Variants in RHOT1 observed in about 807,000 individuals in gnomAD.
RHOT1 encodes mitochondrial Rho GTPase 1.
A neutral mutation model predicts 95.3 loss-of-function variants in RHOT1; 27 were observed. The ratio of observed to expected loss-of-function variants is 0.28; its 90% confidence interval spans 0.21 to 0.39. The LOEUF is 0.39. Ranked by LOEUF, RHOT1 falls within the 10% of genes least tolerant of loss-of-function variation. RHOT1 has a pLI of 1.00. For missense variants in RHOT1, 578 were observed against 786.7 expected, an observed-to-expected ratio of 0.73 and a Z score of 3.17; for synonymous variants, 227 against 263.5, an observed-to-expected ratio of 0.86 and a Z score of 1.34.
At chr17:32,179,445 A>G (rs1178370456) in intron 6 of RHOT1, 1 of 45,242 alleles carries the variant, frequency 2.2e-5, no homozygotes, top group Non-Finnish European at 4.3e-5. Context: ...TGCCCAGCTG[A>G]CACCCCATCT....
chr17:32,154,414 A>G (rs2032705320), intron 1 of RHOT1, among the ~76,000 whole-genome samples: 1 of 150,508 alleles, frequency 6.6e-6, no homozygotes, highest in African/African-American at 2.5e-5. Context: ...CTCCGTCTCT[A>G]CTAAAAAAAA....
intron 14 of RHOT1, among the ~76,000 whole-genome samples, chr17:32,201,836 A>G (rs755824435): frequency 1.3e-5 from 2 of 151,908 alleles, no homozygotes; most frequent in Non-Finnish European, 2.9e-5. Context: ...TTTTTTTTCT[A>G]CTATCACTAG....
intron 19 of RHOT1, chr17:32,220,981 A>G (rs1022848599): frequency 1.4e-5 from 10 of 706,880 alleles, no homozygotes; most frequent in Non-Finnish European, 1.6e-5. Context: ...GTAAGATACT[A>G]TAAGTTATTC....
chr17:32,185,330 G>C (rs2035959284), intron 8 of RHOT1, among the ~76,000 whole-genome samples: 1 of 151,950 alleles, frequency 6.6e-6, no homozygotes, highest in South Asian at 2.1e-4. Flanking sequence ...GGCTGGTCTT[G>C]AACACCCAAC....
Position 32,208,320 on chromosome 17 carries a change from G to T in RHOT1, c.1739+11G>T, listed in dbSNP as rs200669163. 4 of 1,609,502 alleles carry T rather than the reference G, an allele frequency of 2.5e-6. No homozygotes were observed. Among genetic ancestry groups the T allele is most frequent in the Non-Finnish European group, 3.4e-6 (4 of 1,175,868 alleles). ...AATGGCCATGTATCCGTAAGTACTTGCTGTCTTCATTTTCATGTTGCATGG... is the reference window on the plus strand; with the variant it reads ...AATGGCCATGTATCCGTAAGTACTTTCTGTCTTCATTTTCATGTTGCATGG... On this transcript the variant is annotated intron_variant, in intron 18 of 19. Transcript: ENST00000545287.
intron 1 of RHOT1, chr17:32,150,372 T>C: frequency 2.6e-6 from 1 of 384,990 alleles, no homozygotes. Context: ...TTTTTTTTCA[T>C]GTGTAAGATG....
intron 19 of RHOT1, among the ~76,000 whole-genome samples, chr17:32,223,995 G>A (rs2038991446): frequency 6.6e-6 from 1 of 152,150 alleles, no homozygotes; most frequent in Non-Finnish European, 1.5e-5. Flanking sequence ...CATTATCACT[G>A]CCTGTCTAAC....
chr17:32,145,170 C>T (rs1318174823), intron 1 of RHOT1, among the ~76,000 whole-genome samples: 9 of 151,760 alleles, frequency 5.9e-5, no homozygotes, highest in South Asian at 2.1e-4. Flanking sequence ...TGTGGCAGCA[C>T]GCACCTGTAA....
chr17:32,184,492 A>T (rs898624811), intron 8 of RHOT1, among the ~76,000 whole-genome samples: 51 of 147,362 alleles, frequency 3.5e-4, no homozygotes, highest in African/African-American at 1.1e-3. Context: ...TTTATTTTTT[A>T]TTTTTTTTTA....
Position 32,208,297 on chromosome 17 carries a change from T to C in RHOT1, c.1727T>C (p.Met576Thr). The change falls in exon 18 of 20, where the codon ATG (methionine) becomes ACG (threonine). Residue 576 changes from methionine to threonine, a missense_variant. Physicochemically the swap from Met to Thr is moderately conservative, Grantham distance 81 (BLOSUM62 -1). This residue lies in a region of RHOT1 where 296 missense variants were observed against 338.5 expected (regional missense o/e 0.87). Transcript: ENST00000545287. Reference sequence around the variant, plus strand: ...GATATCTTTGTTAAATTGACAACAATGGCCATGTATCCGTAAGTACTTGCT... The same window carrying C: ...GATATCTTTGTTAAATTGACAACAACGGCCATGTATCCGTAAGTACTTGCT... Reference protein sequence around the residue: ...SKDIFVKLTTMAMYPHARLRC... With the variant: ...SKDIFVKLTTTAMYPHARLRC... 2 of 1,613,916 alleles carry C rather than the reference T, an allele frequency of 1.2e-6. No individual in the cohort carries two copies. Among genetic ancestry groups the C allele is most frequent in the Non-Finnish European group, 1.7e-6 (2 of 1,179,758 alleles).
intron 6 of RHOT1, chr17:32,179,157 TGAG>T (rs1165651274): frequency 7.4e-6 from 1 of 135,966 alleles, no homozygotes; most frequent in Non-Finnish European, 1.5e-5. Flanking sequence ...GTCTGGGAAG[TGAG>T]GAGCACCTCT....
chr17:32,189,160 G>A (rs1327165667), intron 8 of RHOT1, among the ~76,000 whole-genome samples: 4 of 152,124 alleles, frequency 2.6e-5, no homozygotes, highest in Admixed American at 6.5e-5. Context: ...TTAGCTGGGC[G>A]TGGTGGCGGG....
intron 1 of RHOT1, among the ~76,000 whole-genome samples, chr17:32,148,107 T>C (rs946505480): frequency 6.6e-6 from 1 of 151,856 alleles, no homozygotes; most frequent in African/African-American, 2.4e-5. Context: ...CTACTAAAAA[T>C]ACAAAAAATT....
Position 32,150,718 on chromosome 17 carries a change from A to G in RHOT1, c.37+7989A>G, listed in dbSNP as rs1229954309. The G allele has an allele frequency of 1.9e-5, 30 of 1,604,314 alleles. 2 individuals are homozygous for G. The Admixed American group carries it at 3.9e-4, about 21-fold the overall frequency. ...GGATATGTCATAGGCATCAGAGTAC[A>G]AAGCAGGAACTGAGGCCACCAGCCT... On this transcript the variant is annotated intron_variant, in intron 1 of 19. Coordinates refer to ENST00000545287, the MANE Select transcript of RHOT1 (RefSeq NM_001033566.3).
chr17:32,175,273 A>G (rs1390890028), intron 3 of RHOT1, 46 bp from the exon 4 acceptor site: 2 of 1,556,508 alleles, frequency 1.3e-6, no homozygotes, highest in African/African-American at 1.4e-5. Flanking sequence ...ATTAGTTTTT[A>G]TGAAAGTGTC....
intron 6 of RHOT1, among the ~76,000 whole-genome samples, chr17:32,177,968 G>A (rs1342137710): frequency 6.6e-6 from 1 of 150,532 alleles, no homozygotes; most frequent in African/African-American, 2.4e-5. Flanking sequence ...GGGATTACAG[G>A]TACCCACCAC....
chr17:32,149,633 A>ATGTGTGTGTGTGTGTG lies in RHOT1; in HGVS notation c.37+6905_37+6906insGTGTGTGTGTGTGTGT, dbSNP rs1233010217. On this transcript the variant is annotated intron_variant, in intron 1 of 19. Coordinates refer to ENST00000545287, the MANE Select transcript of RHOT1 (RefSeq NM_001033566.3). ...TATATATATATATATATATATATAT[A>ATGTGTGTGTGTGTGTG]TATGTGTGTGTGTGTGTGTGTGTGT... is the stretch of plus-strand genomic sequence containing the variant. 9.5e-4 allele frequency among the ~76,000 whole-genome samples: 77 copies of ATGTGTGTGTGTGTGTG among 81,264 alleles called. 1 individual carries two copies. Among genetic ancestry groups the ATGTGTGTGTGTGTGTG allele is most frequent in the Non-Finnish European group, 1.6e-3 (64 of 39,738 alleles). The allele number at this position is 81,264 out of a possible 152,430, so 53.3% of individuals were successfully genotyped here. A position where few individuals can be genotyped will look rare whatever the true frequency, so the allele number is the denominator to read the frequency against.
chr17:32,182,717 CT>C, intron 6 of RHOT1, 39 bp from the exon 7 acceptor site: 1 of 1,154,572 alleles, frequency 8.7e-7, no homozygotes, highest in East Asian at 2.4e-5. Flanking sequence ...AATTTAATGT[CT>C]TTTGCCTTCC....
Position 32,203,037 on chromosome 17 carries a change from T to G in RHOT1, c.1332+137T>G, listed in dbSNP as rs2037435596. On this transcript the variant is annotated intron_variant, in intron 15 of 19. Coordinates refer to ENST00000545287, the MANE Select transcript of RHOT1 (RefSeq NM_001033566.3). Reference sequence around the variant, plus strand: ...CTGTATTAGTCAAGTACAGTCTAAATGTAACAGTAATCCTGTTGAACTGTC... The same window carrying G: ...CTGTATTAGTCAAGTACAGTCTAAAGGTAACAGTAATCCTGTTGAACTGTC... The G allele has an allele frequency of 3.2e-5, 25 of 785,716 alleles. No homozygotes were observed. The South Asian group carries it at 3.6e-4, about 11-fold the overall frequency. 48.7% of individuals were successfully genotyped at this position (785,716 alleles called of 1,614,324 possible). A position where few individuals can be genotyped will look rare whatever the true frequency, so the allele number is the denominator to read the frequency against.
Sources: allele counts gnomAD v4.1 joint callset (sites outside exome capture counted in the v4.1 genomes callset), GRCh38; gene constraint gnomAD v4.1.1; regional missense constraint gnomAD v4.1.1; transcripts MANE v1.5; gene names NCBI Gene and HGNC (gene_info 2026-07-23, HGNC 2026-07-21).